ST8SIA6: variants seen among roughly 807,000 people sequenced by gnomAD.
The protein encoded by ST8SIA6 is alpha-2,8-sialyltransferase 8F.
A neutral mutation model predicts 33.6 loss-of-function variants in ST8SIA6; 39 were observed. The observed-to-expected ratio is 1.16, with a 90% CI of 0.90 to 1.52. The LOEUF (loss-of-function observed/expected upper bound fraction) is 1.52. Among genes scored for constraint, ST8SIA6 ranks in the 40% most tolerant of loss-of-function variants. The probability of loss-of-function intolerance (pLI) is 0.00; values close to 1 mark genes in which losing one functional copy is unlikely to be tolerated. For missense variants in ST8SIA6, 441 were observed against 443.8 expected (o/e 0.99, Z 0.06); for synonymous variants, 172 against 167.2 (o/e 1.03, Z -0.22).
At chr10:17,325,882 T>C (rs184950412) in intron 6 of ST8SIA6, among the ~76,000 whole-genome samples, 43 of 152,302 alleles carry the variant, frequency 2.8e-4, no homozygotes, top group African/African-American at 1.0e-3. Context: ...TCAAAACTTA[T>C]TGTATTGCCT....
intron 2 of ST8SIA6, among the ~76,000 whole-genome samples, chr10:17,408,647 G>A (rs921081155): frequency 2.0e-5 from 3 of 151,560 alleles, no homozygotes; most frequent in South Asian, 2.1e-4. Flanking sequence ...GTGACAGAGC[G>A]AGATTGTCTC....
chr10:17,426,002 C>T (rs759145336), intron 2 of ST8SIA6, among the ~76,000 whole-genome samples: 1 of 152,178 alleles, frequency 6.6e-6, no homozygotes, highest in East Asian at 1.9e-4. Flanking sequence ...GAACCAGTCA[C>T]GGTTCCTGCT....
intron 2 of ST8SIA6, among the ~76,000 whole-genome samples, chr10:17,433,618 G>T (rs1852166212): frequency 6.6e-6 from 1 of 152,144 alleles, no homozygotes; most frequent in East Asian, 1.9e-4. Flanking sequence ...AGGGGCTGGG[G>T]ACAGAGCACC....
At chr10:17,433,944 A>G (rs1852175779) in intron 2 of ST8SIA6, among the ~76,000 whole-genome samples, 1 of 152,054 alleles carries the variant, frequency 6.6e-6, no homozygotes, top group African/African-American at 2.4e-5. Flanking sequence ...TCTTGTTCTT[A>G]TATCCTTAAG....
rs1156625206 is a variant in ST8SIA6 at position 17,323,634 on chromosome 10, C to T, written c.636-477G>A. ...CCATGACCTCAAGTGATCCACCTGC[C>T]TTGGCCTCCCAAAGTGCTGGGATTA... On this transcript the variant is annotated intron_variant, in intron 6 of 7. Transcript: ENST00000377602. Among the ~76,000 whole-genome samples, 3 of 152,194 alleles carry T rather than the reference C, an allele frequency of 2.0e-5. No individual in the cohort carries two copies. In the East Asian group the frequency reaches 5.8e-4, roughly 29 times the overall value.
At chr10:17,407,494 C>T (rs780348216) in intron 2 of ST8SIA6, among the ~76,000 whole-genome samples, 1 of 152,218 alleles carries the variant, frequency 6.6e-6, no homozygotes, top group Non-Finnish European at 1.5e-5. Flanking sequence ...TCTCCCCACC[C>T]TCAATCACCT....
In ST8SIA6 at chr10:17,451,162, T is replaced by C. The variant is rs1588940903; in HGVS notation, c.200+2397A>G. 3.3e-5 allele frequency among the ~76,000 whole-genome samples: 5 copies of C among 152,180 alleles called. No individual in the cohort carries two copies. The East Asian group carries it at 9.6e-4, about 29-fold the overall frequency. ...GTGCTTATTCCCAACAGCAAAGTCA[T>C]GGAATCAACCTAAGTGTCCCTCAGT... On this transcript the variant is annotated intron_variant, in intron 2 of 7. Transcript: ENST00000377602.
chr10:17,387,381 A>G (rs1850411886), intron 3 of ST8SIA6, among the ~76,000 whole-genome samples: 1 of 132,618 alleles, frequency 7.5e-6, no homozygotes, highest in South Asian at 2.3e-4. Context: ...TCTCCCGAGT[A>G]GCTGGGATTA....
In ST8SIA6 at chr10:17,320,678, C is replaced by T; in HGVS notation, c.*200G>A. 1 of 581,034 alleles carries T rather than the reference C, an allele frequency of 1.7e-6. No homozygotes were observed. The highest frequency in any genetic ancestry group is 3.0e-6 in the Non-Finnish European group (1 of 329,192). 36.0% of individuals were successfully genotyped at this position (581,034 alleles called of 1,614,324 possible). A position where few individuals can be genotyped will look rare whatever the true frequency, so the allele number is the denominator to read the frequency against. On this transcript the variant is annotated 3_prime_UTR_variant, in exon 8 of 8. Coordinates refer to ENST00000377602, the MANE Select transcript of ST8SIA6 (RefSeq NM_001004470.3). ...AATTTGTATGAGTCAGATATGGTGT[C>T]CATGTTATAAGGAGAAAAAATGAAG... is the stretch of plus-strand genomic sequence containing the variant.
intron 2 of ST8SIA6, among the ~76,000 whole-genome samples, chr10:17,422,549 C>A (rs569021991): frequency 2.6e-5 from 4 of 152,192 alleles, no homozygotes; most frequent in Non-Finnish European, 1.5e-5. Context: ...TAATTCTACT[C>A]CTCTCTCGCT....
chr10:17,344,148 T>G (rs1848762128), intron 4 of ST8SIA6, among the ~76,000 whole-genome samples: 1 of 152,158 alleles, frequency 6.6e-6, no homozygotes, highest in South Asian at 2.1e-4. Flanking sequence ...CTAATTATTG[T>G]CTAATATATG....
intron 2 of ST8SIA6, among the ~76,000 whole-genome samples, chr10:17,411,459 A>T (rs1432296143): frequency 2.0e-5 from 3 of 152,176 alleles, no homozygotes; most frequent in African/African-American, 7.2e-5. Context: ...CTGGGATTAC[A>T]GGCATGAGCC....
intron 2 of ST8SIA6, among the ~76,000 whole-genome samples, chr10:17,407,196 T>C (rs1851296978): frequency 6.6e-6 from 1 of 152,208 alleles, no homozygotes; most frequent in African/African-American, 2.4e-5. Context: ...TGCTATAACT[T>C]AGCCTTCACT....
In ST8SIA6 at chr10:17,317,468, A is replaced by C. The variant is rs1173867134; in HGVS notation, c.*3410T>G. On this transcript the variant is annotated 3_prime_UTR_variant, in exon 8 of 8. Coordinates refer to ENST00000377602, the MANE Select transcript of ST8SIA6 (RefSeq NM_001004470.3). ...AGATCAAGTGCATCAGATATATCAG[A>C]TGAATTCCTACAATGCCTTCAATTT... is the stretch of plus-strand genomic sequence containing the variant. Among the ~76,000 whole-genome samples, 2 of 152,218 alleles carry C rather than the reference A, an allele frequency of 1.3e-5. No homozygotes were observed. Among genetic ancestry groups the C allele is most frequent in the Non-Finnish European group, 2.9e-5 (2 of 68,040 alleles).
At chr10:17,357,037 A>G (rs758323041) in intron 4 of ST8SIA6, among the ~76,000 whole-genome samples, 11 of 152,230 alleles carry the variant, frequency 7.2e-5, no homozygotes, top group Non-Finnish European at 1.3e-4. Flanking sequence ...GGAATCCCCA[A>G]GAAGGGATTT....
intron 2 of ST8SIA6, among the ~76,000 whole-genome samples, chr10:17,444,663 T>C (rs1045462700): frequency 6.6e-6 from 1 of 152,154 alleles, no homozygotes; most frequent in Admixed American, 6.6e-5. Flanking sequence ...CAATTGCACC[T>C]GATAGCTTTT....
At chr10:17,407,912 A>G (rs1851326115) in intron 2 of ST8SIA6, 1 of 152,566 alleles carries the variant, frequency 6.6e-6, no homozygotes, top group Non-Finnish European at 1.5e-5. Context: ...GAAAGCTACA[A>G]AAGTAAAGTG....
Position 17,338,084 on chromosome 10 carries a change from G to C in ST8SIA6, c.378-6532C>G, listed in dbSNP as rs919893050. Among the ~76,000 whole-genome samples, 3 of 149,162 alleles carry C rather than the reference G, an allele frequency of 2.0e-5. No homozygotes were observed. In the Admixed American group the frequency reaches 2.0e-4, roughly 10 times the overall value. On this transcript the variant is annotated intron_variant, in intron 4 of 7. Coordinates refer to ENST00000377602, the MANE Select transcript of ST8SIA6 (RefSeq NM_001004470.3). ...AGTTTCACTCTTCCCTCCCAGGCTGGAGTGCAATGGCGCGATCTCAGCTCA... is the reference window on the plus strand; with the variant it reads ...AGTTTCACTCTTCCCTCCCAGGCTGCAGTGCAATGGCGCGATCTCAGCTCA...
chr10:17,399,467 T>C (rs1850952632), intron 2 of ST8SIA6, among the ~76,000 whole-genome samples: 1 of 152,194 alleles, frequency 6.6e-6, no homozygotes, highest in African/African-American at 2.4e-5. Context: ...GCAGGCAGCT[T>C]AAAATTGCAA....
Sources: allele counts gnomAD v4.1 joint callset (sites outside exome capture counted in the v4.1 genomes callset), GRCh38; gene constraint gnomAD v4.1.1; transcripts MANE v1.5; gene names NCBI Gene and HGNC (gene_info 2026-07-23, HGNC 2026-07-21).